CERS6: variants seen among roughly 807,000 people sequenced by gnomAD.
CERS6 encodes the protein LAG1 homolog, ceramide synthase 6.
In CERS6, 26 loss-of-function variants were observed where a neutral mutation model predicts 56.8. That is an observed-to-expected ratio of 0.46 (90% CI 0.34 to 0.63). The LOEUF is 0.63. CERS6 is among the 30% of genes least tolerant of loss of function. The pLI, the probability that CERS6 is intolerant of heterozygous loss-of-function variation, is 0.01. For synonymous variants in CERS6, 164 were observed against 173.3 expected, an observed-to-expected ratio of 0.95 and a Z score of 0.42; for missense variants, 415 against 467.5, an observed-to-expected ratio of 0.89 and a Z score of 1.04.
intron 1 of CERS6, among the ~76,000 whole-genome samples, chr2:168,467,877 G>T (rs1201662405): frequency 6.6e-6 from 1 of 152,132 alleles, no homozygotes; most frequent in Non-Finnish European, 1.5e-5. Flanking sequence ...GTGTGGGGGG[G>T]CCCAAGGACA....
At chr2:168,578,574 C>T (rs2105394212) in intron 3 of CERS6, among the ~76,000 whole-genome samples, 1 of 152,144 alleles carries the variant, frequency 6.6e-6, no homozygotes, top group Admixed American at 6.5e-5. Flanking sequence ...TCCAGATATG[C>T]CTGCAGCCAA....
intron 3 of CERS6, among the ~76,000 whole-genome samples, chr2:168,606,981 A>T (rs1237901389): frequency 6.6e-6 from 1 of 152,186 alleles, no homozygotes; most frequent in East Asian, 1.9e-4. Flanking sequence ...CAAGAAGCAG[A>T]TGCTGCTGTG....
In CERS6 at chr2:168,771,038, TCTAA is replaced by T. The variant is rs1028783864; in HGVS notation, c.*1379_*1382del. 2 of 152,208 alleles carry T rather than the reference TCTAA, an allele frequency of 1.3e-5. No homozygotes were observed. Among genetic ancestry groups the T allele is most frequent in the Non-Finnish European group, 2.9e-5 (2 of 68,036 alleles). 9.4% of individuals were successfully genotyped at this position (152,208 alleles called of 1,614,324 possible). A position where few individuals can be genotyped will look rare whatever the true frequency, so the allele number is the denominator to read the frequency against. ...GTCAGCCAAAGATTTTATCTCTTCT[TCTAA>T]CTTTTAGTAAGAGGAAAAAGGGATT... On this transcript the variant is annotated 3_prime_UTR_variant, in exon 10 of 10. Transcript: ENST00000305747.
intron 3 of CERS6, among the ~76,000 whole-genome samples, chr2:168,607,674 C>T (rs1423299232): frequency 6.6e-6 from 1 of 152,124 alleles, no homozygotes; most frequent in East Asian, 1.9e-4. Flanking sequence ...GCCACTGTGC[C>T]AGGCCAAAAC....
At chr2:168,475,372 C>G (rs1267383406) in intron 1 of CERS6, among the ~76,000 whole-genome samples, 2 of 151,986 alleles carry the variant, frequency 1.3e-5, no homozygotes, top group African/African-American at 2.4e-5. Flanking sequence ...CTTTAAAAAG[C>G]CATCCTAGAC....
chr2:168,763,283 C>G (rs1407031132), intron 8 of CERS6, among the ~76,000 whole-genome samples: 2 of 149,180 alleles, frequency 1.3e-5, no homozygotes, highest in Admixed American at 6.7e-5. Context: ...ACTGTATCAC[C>G]CCAGCTGGAG....
At chr2:168,730,470 G>A (rs2105411136) in intron 8 of CERS6, among the ~76,000 whole-genome samples, 1 of 152,306 alleles carries the variant, frequency 6.6e-6, no homozygotes, top group South Asian at 2.1e-4. Flanking sequence ...GGAAGGGAAG[G>A]ACAAATGAGA....
chr2:168,665,024 A>G (rs190869750), intron 4 of CERS6, among the ~76,000 whole-genome samples: 35 of 152,274 alleles, frequency 2.3e-4, no homozygotes, highest in Non-Finnish European at 3.5e-4. Context: ...ATGAATGCCT[A>G]CCTTGTCTTG....
intron 1 of CERS6, among the ~76,000 whole-genome samples, chr2:168,512,805 C>T (rs1694812979): frequency 6.6e-6 from 1 of 151,854 alleles, no homozygotes; most frequent in South Asian, 2.1e-4. Flanking sequence ...GTCGCTGGGA[C>T]TACAGATGCC....
intron 4 of CERS6, among the ~76,000 whole-genome samples, chr2:168,647,914 C>T (rs914384171): frequency 7.9e-5 from 12 of 151,960 alleles, no homozygotes; most frequent in African/African-American, 2.7e-4. Context: ...TTGATTTGCA[C>T]GTATTTTGTT....
intron 6 of CERS6, among the ~76,000 whole-genome samples, chr2:168,700,594 G>A (rs763794339): frequency 2.0e-5 from 3 of 152,032 alleles, no homozygotes; most frequent in Admixed American, 6.6e-5. Flanking sequence ...TTGTCATTTT[G>A]TCCTAGACTG....
At chr2:168,496,658 C>T (rs1388904210) in intron 1 of CERS6, among the ~76,000 whole-genome samples, 2 of 151,948 alleles carry the variant, frequency 1.3e-5, no homozygotes, top group African/African-American at 2.4e-5. Context: ...TTTTAATAAA[C>T]CTGAAAGTAC....
chr2:168,631,159 A>G, intron 4 of CERS6, 117 bp downstream of exon 4: 1 of 508,980 alleles, frequency 2.0e-6, no homozygotes, highest in Non-Finnish European at 3.5e-6. Context: ...AGGCTTCCTA[A>G]GAATTATTTG....
chr2:168,726,095 A>C (rs1016870008), intron 8 of CERS6, among the ~76,000 whole-genome samples: 1 of 152,198 alleles, frequency 6.6e-6, no homozygotes, highest in South Asian at 2.1e-4. Flanking sequence ...TACAGTGGCT[A>C]CTCAGTATTT....
chr2:168,507,487 G>C (rs1694699297), intron 1 of CERS6, among the ~76,000 whole-genome samples: 1 of 152,144 alleles, frequency 6.6e-6, no homozygotes, highest in Non-Finnish European at 1.5e-5. Flanking sequence ...TTGGTGGAAT[G>C]CTCAAAAATG....
intron 1 of CERS6, among the ~76,000 whole-genome samples, chr2:168,476,715 G>A (rs1694078654): frequency 6.6e-6 from 1 of 152,064 alleles, no homozygotes; most frequent in South Asian, 2.1e-4. Flanking sequence ...ATGTCCAGAG[G>A]CGGGAGGAGA....
At chr2:168,614,625 A>G (rs983751751) in intron 3 of CERS6, among the ~76,000 whole-genome samples, 2 of 152,132 alleles carry the variant, frequency 1.3e-5, no homozygotes, top group Non-Finnish European at 2.9e-5. Context: ...ACCAACCTGC[A>G]TGACACAGCA....
intron 4 of CERS6, among the ~76,000 whole-genome samples, chr2:168,666,673 C>A (rs1450751574): frequency 1.3e-5 from 2 of 152,166 alleles, no homozygotes; most frequent in East Asian, 3.8e-4. Context: ...ATTGCTAGGT[C>A]AAACAATATT....
chr2:168,460,773 C>G (rs1476620581), intron 1 of CERS6, among the ~76,000 whole-genome samples: 1 of 152,154 alleles, frequency 6.6e-6, no homozygotes, highest in Non-Finnish European at 1.5e-5. Flanking sequence ...TCTCAAAATG[C>G]TAGGCTATGT....
Sources: gnomAD v4.1 joint callset for allele counts (sites outside exome capture counted in the v4.1 genomes callset) on GRCh38, gnomAD v4.1.1 for gene constraint, MANE v1.5 for transcripts, NCBI Gene and HGNC (gene_info 2026-07-23, HGNC 2026-07-21) for gene names.